The following RUNX2 variants were observed in gnomAD, a reference collection of about 807,000 sequenced individuals.
RUNX2 encodes the protein runt-related transcription factor 2.
Under a neutral mutation model 51.7 loss-of-function variants are expected in RUNX2, and 10 were observed. The observed-to-expected ratio is 0.19, with a 90% CI of 0.12 to 0.33. RUNX2 has a LOEUF of 0.33. RUNX2 is among the 10% of genes least tolerant of loss of function. The pLI, the probability that RUNX2 is intolerant of heterozygous loss-of-function variation, is 1.00. For synonymous variants in RUNX2, 276 were observed against 273.6 expected (o/e 1.01, Z -0.09); for missense variants, 562 against 691.3 (o/e 0.81, Z 2.10).
chr6:45,461,705 A>G (rs1269720000), intron 5 of RUNX2, among the ~76,000 whole-genome samples: 1 of 152,116 alleles, frequency 6.6e-6, no homozygotes, highest in African/African-American at 2.4e-5. Context: ...GCTTAAGGGC[A>G]GGAAATGTGT....
In RUNX2 at chr6:45,405,433, G is replaced by A. The variant is rs564933463; in HGVS notation, c.59-17160G>A. Among the ~76,000 whole-genome samples the A allele has an allele frequency of 6.2e-4, 95 of 152,282 alleles. 1 individual carries two copies. The highest frequency in any genetic ancestry group is 3.3e-3 in the South Asian group (16 of 4,830). On this transcript the variant is annotated intron_variant, in intron 2 of 8. Coordinates refer to ENST00000647337, the MANE Select transcript of RUNX2 (RefSeq NM_001024630.4). ...CAGCTAGCTCATATCAGCTACTAAA[G>A]CCAGTTGTGCACATCTCCTTCCAAC...
At chr6:45,401,390 A>G (rs1190258938) in intron 2 of RUNX2, among the ~76,000 whole-genome samples, 1 of 152,238 alleles carries the variant, frequency 6.6e-6, no homozygotes, top group Non-Finnish European at 1.5e-5. Context: ...TGTTCATAGG[A>G]GATACAAATA....
intron 2 of RUNX2, among the ~76,000 whole-genome samples, chr6:45,335,098 T>C (rs1034390409): frequency 2.6e-5 from 4 of 151,250 alleles, no homozygotes; most frequent in South Asian, 4.1e-4. Context: ...TAAACAGGTA[T>C]ATTTTCTCAT....
At chr6:45,340,613 C>T (rs1023172444) in intron 2 of RUNX2, among the ~76,000 whole-genome samples, 2 of 151,878 alleles carry the variant, frequency 1.3e-5, no homozygotes, top group African/African-American at 4.8e-5. Flanking sequence ...CATAAGCCAC[C>T]GCACCTGGCC....
At chr6:45,424,424 G>T (rs1160105433) in intron 3 of RUNX2, among the ~76,000 whole-genome samples, 1 of 152,234 alleles carries the variant, frequency 6.6e-6, no homozygotes. Context: ...ACGTGGAGAT[G>T]AGACTCTCAG....
chr6:45,442,498 A>G lies in RUNX2; in HGVS notation c.685+4447A>G, dbSNP rs374847480. 7.2e-5 allele frequency among the ~76,000 whole-genome samples: 11 copies of G among 152,340 alleles called. No homozygotes were observed. The South Asian group carries it at 2.1e-3, about 29-fold the overall frequency. Reference sequence around the variant, plus strand: ...TTAAATAATTTCTACAGGAATGTGAAAACTTGGTTAGCAACATCATATTCT... The same window carrying G: ...TTAAATAATTTCTACAGGAATGTGAGAACTTGGTTAGCAACATCATATTCT... On this transcript the variant is annotated intron_variant, in intron 5 of 8. Coordinates refer to ENST00000647337, the MANE Select transcript of RUNX2 (RefSeq NM_001024630.4).
chr6:45,446,155 C>T (rs527676399), intron 5 of RUNX2, among the ~76,000 whole-genome samples: 1 of 152,286 alleles, frequency 6.6e-6, no homozygotes, highest in Non-Finnish European at 1.5e-5. Flanking sequence ...TTATCACAGC[C>T]GTTAAAACAT....
chr6:45,541,579 G>A (rs1802230609), intron 7 of RUNX2, among the ~76,000 whole-genome samples: 1 of 152,208 alleles, frequency 6.6e-6, no homozygotes. Context: ...AGGCCCCAAT[G>A]AAGCTTTGAA....
At position 45,550,343 on chromosome 6, in the gene RUNX2, C is replaced by G. The variant is rs995703428; in HGVS notation, c.*3038C>G. ...ATCGTTTGCTCTTTAGACGGTCTCA[C>G]TGCCTCTCACTTGCCAGAGCCCTTT... is the stretch of plus-strand genomic sequence containing the variant. On this transcript the variant is annotated 3_prime_UTR_variant, in exon 9 of 9. Coordinates refer to ENST00000647337, the MANE Select transcript of RUNX2 (RefSeq NM_001024630.4). 1.1e-4 allele frequency: 16 copies of G among 152,334 alleles called. No individual in the cohort carries two copies. Among genetic ancestry groups the G allele is most frequent in the African/African-American group, 3.8e-4 (16 of 41,576 alleles). 9.4% of individuals were successfully genotyped at this position (152,334 alleles called of 1,614,324 possible).
At chr6:45,370,383 G>A (rs1374874761) in intron 2 of RUNX2, among the ~76,000 whole-genome samples, 4 of 151,856 alleles carry the variant, frequency 2.6e-5, no homozygotes, top group Non-Finnish European at 4.4e-5. Flanking sequence ...CCAGAAGACT[G>A]GGAAGGAAAA....
chr6:45,372,393 A>C (rs1454488821), intron 2 of RUNX2, among the ~76,000 whole-genome samples: 1 of 152,218 alleles, frequency 6.6e-6, no homozygotes, highest in Admixed American at 6.5e-5. Context: ...ACAAAAGATT[A>C]CTGTTAAACA....
chr6:45,345,250 CTG>C (rs1357448407), intron 2 of RUNX2, among the ~76,000 whole-genome samples: 1 of 152,154 alleles, frequency 6.6e-6, no homozygotes, highest in African/African-American at 2.4e-5. Flanking sequence ...TTGTTAAAGA[CTG>C]TAAAATGTCA....
chr6:45,525,413 C>T (rs534014290), intron 7 of RUNX2, among the ~76,000 whole-genome samples: 1 of 152,278 alleles, frequency 6.6e-6, no homozygotes, highest in African/African-American at 2.4e-5. Context: ...TTCCATGACT[C>T]AAGCATGTAG....
chr6:45,383,877 A>G (rs1347251801), intron 2 of RUNX2, among the ~76,000 whole-genome samples: 2 of 152,236 alleles, frequency 1.3e-5, no homozygotes, highest in African/African-American at 4.8e-5. Context: ...GGTGGATGCA[A>G]CAAACCTATT....
rs536576553 is a variant in RUNX2, at chr6:45,530,775, A to G, written c.1022-14442A>G. On this transcript the variant is annotated intron_variant, in intron 7 of 8. Coordinates refer to ENST00000647337, the MANE Select transcript of RUNX2 (RefSeq NM_001024630.4). ...GAGCAGGACTATTGGGTCCTCTGTA[A>G]CAGCTCTTTTCTGATGGCGGAAAGT... is the stretch of plus-strand genomic sequence containing the variant. Among the ~76,000 whole-genome samples, 25 of 152,346 alleles carry G rather than the reference A, an allele frequency of 1.6e-4. No individual in the cohort carries two copies. The South Asian group carries it at 1.7e-3, about 10-fold the overall frequency.
intron 2 of RUNX2, chr6:45,377,648 G>C (rs924007203): frequency 3.3e-5 from 5 of 152,190 alleles, no homozygotes; most frequent in African/African-American, 1.2e-4. Flanking sequence ...CTCGAGCCGG[G>C]GCCAGGGCGT....
intron 6 of RUNX2, among the ~76,000 whole-genome samples, chr6:45,507,543 T>C (rs1009935137): frequency 1.3e-5 from 2 of 152,206 alleles, no homozygotes; most frequent in African/African-American, 2.4e-5. Context: ...CATGTATTTA[T>C]GACAGGATTA....
intron 2 of RUNX2, among the ~76,000 whole-genome samples, chr6:45,420,591 C>T (rs1230775055): frequency 6.6e-6 from 1 of 152,234 alleles, no homozygotes; most frequent in South Asian, 2.1e-4. Context: ...ACTGTGTCAG[C>T]TACTCCACTA....
intron 2 of RUNX2, among the ~76,000 whole-genome samples, chr6:45,368,807 AAATT>A (rs1230252178): frequency 2.0e-5 from 3 of 152,152 alleles, no homozygotes; most frequent in South Asian, 2.1e-4. Context: ...CACATAATAT[AAATT>A]AATAGAAAAC....
Sources: allele counts gnomAD v4.1 joint callset (sites outside exome capture counted in the v4.1 genomes callset), GRCh38; gene constraint gnomAD v4.1.1; transcripts MANE v1.5; gene names NCBI Gene and HGNC (gene_info 2026-07-23, HGNC 2026-07-21).